IFIH1: variants seen among roughly 807,000 people sequenced by gnomAD.
IFIH1 encodes the protein interferon induced with helicase C domain 1.
IFIH1 carries 125 observed loss-of-function variants against 107.4 expected under a neutral mutation model. That is an observed-to-expected ratio of 1.16 (90% CI 1.01 to 1.35). The LOEUF is 1.35. Ranked by LOEUF, IFIH1 falls within the 40% of genes most tolerant of loss-of-function variation. The probability of loss-of-function intolerance (pLI) is 0.00; values close to 1 mark genes in which losing one functional copy is unlikely to be tolerated. For synonymous variants in IFIH1, 458 were observed against 413.2 expected, an observed-to-expected ratio of 1.11 and a Z score of -1.31; for missense variants, 1,333 against 1,213.7, an observed-to-expected ratio of 1.10 and a Z score of -1.46.
intron 1 of IFIH1, among the ~76,000 whole-genome samples, chr2:162,317,413 TC>T (rs1173431838): frequency 3.3e-5 from 5 of 152,174 alleles, no homozygotes. Flanking sequence ...TTCAACACTA[TC>T]ACAAGCTAAA....
rs561796424 is a variant in IFIH1 at position 162,277,280 on chromosome 2, T to C, written c.2044+135A>G. 3 of 663,872 alleles carry C rather than the reference T, an allele frequency of 4.5e-6. No individual in the cohort carries two copies. In the African/African-American group the frequency reaches 5.4e-5, roughly 12 times the overall value. 41.1% of individuals were successfully genotyped at this position (663,872 alleles called of 1,614,324 possible). ...ACTGGTAGCTAATCTGGTCATATCA[T>C]TAGAAATAGTTCCAATCTGAGTGGG... On this transcript the variant is annotated intron_variant, in intron 10 of 15. Coordinates refer to ENST00000649979, the MANE Select transcript of IFIH1 (RefSeq NM_022168.4).
Position 162,318,527 on chromosome 2 carries a change from G to C in IFIH1, c.-220C>G, listed in dbSNP as rs544030113. The C allele has an allele frequency of 2.4e-4, 76 of 315,594 alleles. No homozygotes were observed. Among genetic ancestry groups the C allele is most frequent in the African/African-American group, 1.6e-3 (72 of 45,894 alleles). The allele number at this position is 315,594 out of a possible 1,614,324, so 19.5% of individuals were successfully genotyped here. A position where few individuals can be genotyped will look rare whatever the true frequency, so the allele number is the denominator to read the frequency against. On this transcript the variant is annotated 5_prime_UTR_variant, in exon 1 of 16. Coordinates refer to ENST00000649979, the MANE Select transcript of IFIH1 (RefSeq NM_022168.4). The stretch of plus-strand genomic sequence containing the variant: ...GGGCAGGCGGGCAGGTGGGCAGCGG[G>C]GCGGCGCGCGGGGCCGCGGCAGGCA...
intron 7 of IFIH1, 78 bp from the exon 8 acceptor site, chr2:162,280,190 G>GT: frequency 1.3e-6 from 1 of 786,196 alleles, no homozygotes; most frequent in Non-Finnish European, 2.2e-6. Context: ...TCTTTTTCAT[G>GT]TAAAAAATAT....
At chr2:162,274,050 G>A (rs1691102112) in intron 11 of IFIH1, 106 bp from the exon 12 acceptor site, 1 of 715,074 alleles carries the variant, frequency 1.4e-6, no homozygotes, top group Non-Finnish European at 2.2e-6. Flanking sequence ...TAAATCAAAG[G>A]ATTAGATCAT....
At chr2:162,305,040 C>G (rs1483001272) in intron 3 of IFIH1, among the ~76,000 whole-genome samples, 1 of 152,178 alleles carries the variant, frequency 6.6e-6, no homozygotes, top group Non-Finnish European at 1.5e-5. Flanking sequence ...ATTAATCATA[C>G]TGCATCCAAA....
In IFIH1 at chr2:162,306,692, G is replaced by A. The variant is rs74162076; in HGVS notation, c.769+17C>T. On this transcript the variant is annotated intron_variant, in intron 3 of 15. Transcript: ENST00000649979. ...AGTAGTAATTACTGTATTAAAGTAC[G>A]TATGTGTTTCAAGTACCTGAAACTA... 5.7e-5 allele frequency: 92 copies of A among 1,609,140 alleles called. No individual in the cohort carries two copies. In the East Asian group the frequency reaches 1.3e-3, roughly 23 times the overall value.
At chr2:162,293,501 T>C in intron 4 of IFIH1, 63 bp downstream of exon 4, 1 of 975,418 alleles carries the variant, frequency 1.0e-6, no homozygotes, top group Non-Finnish European at 1.6e-6. Flanking sequence ...ACAGCCCCCA[T>C]GCTTCCACTA....
chr2:162,313,294 G>A (rs1026158020), intron 1 of IFIH1, among the ~76,000 whole-genome samples: 4 of 152,128 alleles, frequency 2.6e-5, no homozygotes, highest in Non-Finnish European at 2.9e-5. Flanking sequence ...ACAGAAATTC[G>A]TGGGAGGTGA....
intron 4 of IFIH1, among the ~76,000 whole-genome samples, chr2:162,290,814 G>C (rs573001102): frequency 2.6e-5 from 4 of 151,976 alleles, no homozygotes; most frequent in East Asian, 3.9e-4. Flanking sequence ...AGCATCCAAA[G>C]AATAAAAGCT....
At position 162,279,991 on chromosome 2, in the gene IFIH1, C is replaced by A. The variant is rs1008288096; in HGVS notation, c.1641+5G>T. ...ATCAATAGATATAAAACATTAAGCC[C>A]ATACTTCTCTGGTTGCATCTGCAAT... On this transcript the variant is annotated splice_donor_5th_base_variant and intron_variant, in intron 8 of 15. Coordinates refer to ENST00000649979, the MANE Select transcript of IFIH1 (RefSeq NM_022168.4). 3.4e-6 allele frequency: 5 copies of A among 1,461,660 alleles called. No individual in the cohort carries two copies. Among genetic ancestry groups the A allele is most frequent in the Non-Finnish European group, 4.8e-6 (5 of 1,041,972 alleles). The allele number at this position is 1,461,660 out of a possible 1,614,324, so 90.5% of individuals were successfully genotyped here. A position where few individuals can be genotyped will look rare whatever the true frequency, so the allele number is the denominator to read the frequency against.
In IFIH1 at chr2:162,288,081, T is replaced by A; in HGVS notation, c.1095+54A>T. The A allele has an allele frequency of 2.5e-6, 3 of 1,200,390 alleles. No homozygotes were observed. In the South Asian group the frequency reaches 3.9e-5, roughly 16 times the overall value. 74.4% of individuals were successfully genotyped at this position (1,200,390 alleles called of 1,614,324 possible). On this transcript the variant is annotated intron_variant, in intron 5 of 15. Coordinates refer to ENST00000649979, the MANE Select transcript of IFIH1 (RefSeq NM_022168.4). ...TGACACAAATGCCATCATATAAAAG[T>A]TTCAGAATAATACAATGAAAATGAT...
chr2:162,268,073 C>T lies in IFIH1; in HGVS notation c.2807+14G>A, dbSNP rs1423682802. 6.4e-7 allele frequency: 1 copy of T among 1,557,016 alleles called. No homozygotes were observed. The highest frequency in any genetic ancestry group is 1.4e-5 in the African/African-American group (1 of 72,578). Reference sequence around the variant, plus strand: ...CTTGTGGAAAAATGTAAAAATGGGTCTTTCTGGACTCACTTGAATTCTGGG... The same window carrying T: ...CTTGTGGAAAAATGTAAAAATGGGTTTTTCTGGACTCACTTGAATTCTGGG... On this transcript the variant is annotated intron_variant, in intron 14 of 15. Transcript: ENST00000649979.
rs1273952000 is a variant in IFIH1 at position 162,314,476 on chromosome 2, CTTTCTTTCTT to C, written c.453+3369_453+3378del. Among the ~76,000 whole-genome samples, 3 of 121,234 alleles carry C rather than the reference CTTTCTTTCTT, an allele frequency of 2.5e-5. 1 individual carries two copies. Among genetic ancestry groups the C allele is most frequent in the African/African-American group, 1.1e-4 (3 of 26,886 alleles). 79.5% of individuals were successfully genotyped at this position (121,234 alleles called of 152,430 possible). ...TCTTTCTTTCTTTCTTTCTTTCTTT[CTTTCTTTCTT>C]TTTCTTTCTCTCTTTCTTATTAGAT... On this transcript the variant is annotated intron_variant, in intron 1 of 15. Transcript: ENST00000649979.
chr2:162,296,372 C>T lies in IFIH1; in HGVS notation c.770-2704G>A, dbSNP rs1683085040. On this transcript the variant is annotated intron_variant, in intron 3 of 15. Transcript: ENST00000649979. ...AGGAAGACACTGAACTCAGAGTTTTCACAGATGTAATGTAAATTTCATTTT... is the reference window on the plus strand; with the variant it reads ...AGGAAGACACTGAACTCAGAGTTTTTACAGATGTAATGTAAATTTCATTTT... Among the ~76,000 whole-genome samples, 7 of 152,234 alleles carry T rather than the reference C, an allele frequency of 4.6e-5. No individual in the cohort carries two copies. The South Asian group carries it at 1.5e-3, about 32-fold the overall frequency.
chr2:162,308,011 G>T (rs1475608854), intron 2 of IFIH1, among the ~76,000 whole-genome samples: 1 of 152,144 alleles, frequency 6.6e-6, no homozygotes, highest in Admixed American at 6.5e-5. Context: ...CCTGGCCAAA[G>T]GTCACACATT....
intron 1 of IFIH1, among the ~76,000 whole-genome samples, chr2:162,314,416 T>TTTCCTTTC (rs71009355): frequency 4.5e-4 from 23 of 51,468 alleles, no homozygotes; most frequent in East Asian, 4.0e-3. Context: ...TCTTTCTTTC[T>TTTCCTTTC]TTTCTTTCTT....
chr2:162,278,125 T>C, intron 9 of IFIH1, 80 bp downstream of exon 9: 1 of 1,232,064 alleles, frequency 8.1e-7, no homozygotes, highest in East Asian at 2.4e-5. Context: ...TTCCATTTTT[T>C]GGGGAATCTG....
chr2:162,288,059 C>T (rs764267405), intron 5 of IFIH1, 76 bp downstream of exon 5: 2 of 918,016 alleles, frequency 2.2e-6, no homozygotes, highest in Non-Finnish European at 3.5e-6. Context: ...GAGTCAATGA[C>T]ACAAATGCCA....
At chr2:162,300,899 T>C (rs546788826) in intron 3 of IFIH1, among the ~76,000 whole-genome samples, 6 of 152,174 alleles carry the variant, frequency 3.9e-5, no homozygotes, top group Non-Finnish European at 8.8e-5. Flanking sequence ...AGTGCAAGGA[T>C]AAATTTTGTG....
Sources: gnomAD v4.1 joint callset for allele counts (sites outside exome capture counted in the v4.1 genomes callset) on GRCh38, gnomAD v4.1.1 for gene constraint, MANE v1.5 for transcripts, NCBI Gene and HGNC (gene_info 2026-07-23, HGNC 2026-07-21) for gene names.